The following PKN2 variants were observed in gnomAD, a reference collection of about 807,000 sequenced individuals.
PKN2 encodes the protein serine/threonine-protein kinase N2.
In PKN2, 38 loss-of-function variants were observed where a neutral mutation model predicts 119.1. The ratio of observed to expected loss-of-function variants is 0.32; its 90% CI spans 0.25 to 0.42. PKN2 has a LOEUF of 0.42. Among genes scored for constraint, PKN2 ranks in the 10% least tolerant of loss-of-function variants. PKN2 has a pLI of 1.00. For missense variants in PKN2, 850 were observed against 1,165.1 expected, an observed-to-expected ratio of 0.73 and a Z score of 3.94; for synonymous variants, 390 against 384.9, an observed-to-expected ratio of 1.01 and a Z score of -0.15.
rs1159838605 is a variant in PKN2, at chr1:88,784,738, G to T, written c.1085G>T (p.Ser362Ile). 4.3e-6 allele frequency: 7 copies of T among 1,612,814 alleles called. No individual in the cohort carries two copies. Among genetic ancestry groups the T allele is most frequent in the African/African-American group, 1.3e-5 (1 of 74,992 alleles). ...TSVALPGWSP[S>I]ETRSSFMSRT... Reference sequence around the variant, plus strand: ...GTTGCACTGCCTGGTTGGAGTCCAAGTGAAACCAGATCATCTTTCATGAGC... The same window carrying T: ...GTTGCACTGCCTGGTTGGAGTCCAATTGAAACCAGATCATCTTTCATGAGC... The change falls in exon 7 of 22, where the codon AGT (serine) becomes ATT (isoleucine). Residue 362 changes from serine to isoleucine, a missense_variant. Physicochemically the swap from Ser to Ile is moderately radical, Grantham distance 142. Coordinates refer to ENST00000370521, the MANE Select transcript of PKN2 (RefSeq NM_006256.4).
At chr1:88,734,612 G>T (rs1056645945) in intron 1 of PKN2, among the ~76,000 whole-genome samples, 1 of 152,112 alleles carries the variant, frequency 6.6e-6, no homozygotes, top group Non-Finnish European at 1.5e-5. Context: ...AATGTGTTTT[G>T]AAGTCAAGTA....
intron 15 of PKN2, among the ~76,000 whole-genome samples, chr1:88,810,091 A>C (rs1024804607): frequency 6.6e-6 from 1 of 152,216 alleles, no homozygotes; most frequent in Admixed American, 6.5e-5. Context: ...GAAAGAAGGC[A>C]AGAAAAAAAT....
intron 18 of PKN2, among the ~76,000 whole-genome samples, chr1:88,824,673 G>A (rs535905761): frequency 1.9e-4 from 29 of 152,284 alleles, no homozygotes; most frequent in African/African-American, 6.5e-4. Context: ...CACCAAAATC[G>A]TTTATTCTGG....
Position 88,833,104 on chromosome 1 carries a change from C to T in PKN2, c.2698C>T (p.Leu900Phe). ...RLLRRNPERR[L>F]GASEKDAEDV... ...GTTAAGAAGAAATCCTGAACGGCGC[C>T]TTGGGGCTAGCGAGAAAGATGCAGA... is the stretch of plus-strand genomic sequence containing the variant. Residue 900 changes from leucine to phenylalanine, a missense_variant, in exon 21 of 22, where the codon CTT (leucine) becomes TTT (phenylalanine). By Grantham distance (22) the Leu-to-Phe change is conservative (BLOSUM62 0). This residue lies in a region of PKN2 where 95 missense variants were observed against 150.2 expected (regional missense o/e 0.63). Coordinates refer to ENST00000370521, the MANE Select transcript of PKN2 (RefSeq NM_006256.4). 6.2e-7 allele frequency: 1 copy of T among 1,612,772 alleles called. No individual in the cohort carries two copies.
At chr1:88,764,509 A>G (rs1669578056) in intron 3 of PKN2, among the ~76,000 whole-genome samples, 2 of 152,220 alleles carry the variant, frequency 1.3e-5, no homozygotes, top group African/African-American at 4.8e-5. Context: ...CCTATCTTCA[A>G]TACCTGAAAC....
At chr1:88,724,676 A>G (rs1212017584) in intron 1 of PKN2, among the ~76,000 whole-genome samples, 20 of 148,954 alleles carry the variant, frequency 1.3e-4, no homozygotes, top group Admixed American at 3.3e-4. Flanking sequence ...GGTTCAAGCA[A>G]TTCTCCTGCC....
At chr1:88,717,382 C>A (rs1179218965) in intron 1 of PKN2, among the ~76,000 whole-genome samples, 2 of 152,068 alleles carry the variant, frequency 1.3e-5, no homozygotes, top group African/African-American at 2.4e-5. Flanking sequence ...TAATATCCTG[C>A]AGAGTGTTTT....
intron 2 of PKN2, among the ~76,000 whole-genome samples, chr1:88,747,295 G>A (rs577480052): frequency 6.6e-6 from 1 of 152,068 alleles, no homozygotes; most frequent in Non-Finnish European, 1.5e-5. Flanking sequence ...AATATTTGAG[G>A]TGATAGATAC....
intron 2 of PKN2, among the ~76,000 whole-genome samples, chr1:88,746,691 AGT>A (rs1440639878): frequency 6.6e-6 from 1 of 152,154 alleles, no homozygotes; most frequent in African/African-American, 2.4e-5. Flanking sequence ...TTTGGAAGAC[AGT>A]GTGGAGGTTC....
At chr1:88,746,334 C>T (rs181328108) in intron 2 of PKN2, among the ~76,000 whole-genome samples, 24 of 151,938 alleles carry the variant, frequency 1.6e-4, no homozygotes, top group African/African-American at 5.8e-4. Flanking sequence ...AGAGACAACC[C>T]AAAGAATGGG....
At chr1:88,706,485 G>A (rs530954681) in intron 1 of PKN2, among the ~76,000 whole-genome samples, 26 of 152,158 alleles carry the variant, frequency 1.7e-4, no homozygotes, top group African/African-American at 6.0e-4. Flanking sequence ...TTGCTTGGTT[G>A]CACTGGCTAT....
chr1:88,827,888 T>G (rs970642238), intron 18 of PKN2, among the ~76,000 whole-genome samples: 2 of 151,430 alleles, frequency 1.3e-5, no homozygotes, highest in African/African-American at 4.9e-5. Flanking sequence ...CCCGGCTAAT[T>G]TTTGTTTTTG....
chr1:88,722,902 T>C (rs930136205), intron 1 of PKN2, among the ~76,000 whole-genome samples: 1 of 151,984 alleles, frequency 6.6e-6, no homozygotes, highest in African/African-American at 2.4e-5. Flanking sequence ...TTATCATCAG[T>C]CAGGGAAGAC....
chr1:88,691,471 T>C (rs535116638), intron 1 of PKN2, among the ~76,000 whole-genome samples: 2 of 152,226 alleles, frequency 1.3e-5, no homozygotes, highest in African/African-American at 4.8e-5. Flanking sequence ...AGAATTTTCA[T>C]TGAACAAATT....
At position 88,821,959 on chromosome 1, in the gene PKN2, A is replaced by G; in HGVS notation, c.2298A>G (p.Val766=). The G allele has an allele frequency of 1.3e-6, 2 of 1,579,074 alleles. No individual in the cohort carries two copies. Among genetic ancestry groups the G allele is most frequent in the Non-Finnish European group, 1.7e-6 (2 of 1,167,508 alleles). Residue 766 remains valine (V), a synonymous_variant, in exon 17 of 22, where the codon GTA becomes GTG. Coordinates refer to ENST00000370521, the MANE Select transcript of PKN2 (RefSeq NM_006256.4). ...CAAACAGATTTTATGCTGCTTGTGT[A>G]GTTCTTGGGTTGCAGTATTTACATG... is the stretch of plus-strand genomic sequence containing the variant. ...EPRAVFYAAC[V]VLGLQYLHEH...
At chr1:88,797,601 C>T (rs1671130595) in intron 8 of PKN2, among the ~76,000 whole-genome samples, 1 of 149,950 alleles carries the variant, frequency 6.7e-6, no homozygotes, top group Admixed American at 6.6e-5. Context: ...GAGATTGCGC[C>T]ACTGCGCTCC....
chr1:88,739,824 T>A (rs1043174393), intron 1 of PKN2, among the ~76,000 whole-genome samples: 5 of 152,166 alleles, frequency 3.3e-5, no homozygotes, highest in African/African-American at 1.2e-4. Context: ...GTGACTGTAC[T>A]GTGTATTGTC....
chr1:88,822,125 T>C, intron 17 of PKN2, 122 bp downstream of exon 17: 1 of 873,158 alleles, frequency 1.1e-6, no homozygotes, highest in Non-Finnish European at 1.6e-6. Context: ...CCTTCACCTG[T>C]AAGTCAAACC....
chr1:88,783,266 C>T (rs1381449417), intron 6 of PKN2, among the ~76,000 whole-genome samples: 2 of 152,238 alleles, frequency 1.3e-5, no homozygotes, highest in African/African-American at 4.8e-5. Context: ...ACAGCTTTAA[C>T]TGCCTTGTGA....
Sources: allele counts gnomAD v4.1 joint callset (sites outside exome capture counted in the v4.1 genomes callset), GRCh38; gene constraint gnomAD v4.1.1; regional missense constraint gnomAD v4.1.1; transcripts MANE v1.5; gene names NCBI Gene and HGNC (gene_info 2026-07-23, HGNC 2026-07-21).